HECTD2: variants seen among roughly 807,000 people sequenced by gnomAD.
HECTD2 encodes probable E3 ubiquitin-protein ligase HECTD2.
In HECTD2, 35 loss-of-function variants were observed where a neutral mutation model predicts 103.2. The ratio of observed to expected loss-of-function variants is 0.34; its 90% CI spans 0.26 to 0.45. HECTD2 has a LOEUF of 0.45. Among genes scored for constraint, HECTD2 ranks in the 20% least tolerant of loss-of-function variants. HECTD2 has a pLI of 1.00. For missense variants in HECTD2, 596 were observed against 937.4 expected (o/e 0.64, Z 4.76); for synonymous variants, 281 against 329.9 (o/e 0.85, Z 1.61).
At chr10:91,415,581 G>A (rs1360318913) in intron 1 of HECTD2, among the ~76,000 whole-genome samples, 1 of 152,096 alleles carries the variant, frequency 6.6e-6, no homozygotes. Flanking sequence ...CCTTGCTAAG[G>A]AGTAAAATGG....
intron 1 of HECTD2, among the ~76,000 whole-genome samples, chr10:91,414,454 G>A (rs1437644920): frequency 1.3e-5 from 2 of 152,188 alleles, no homozygotes; most frequent in Non-Finnish European, 2.9e-5. Flanking sequence ...CATCTGTTAT[G>A]TTTAGCTTTG....
intron 2 of HECTD2, among the ~76,000 whole-genome samples, chr10:91,438,292 C>G (rs1170504475): frequency 6.6e-6 from 1 of 152,108 alleles, no homozygotes; most frequent in African/African-American, 2.4e-5. Flanking sequence ...TCCATGTGTT[C>G]TCATTGTTCA....
chr10:91,435,541 A>G (rs1844078284), intron 2 of HECTD2, among the ~76,000 whole-genome samples: 1 of 151,950 alleles, frequency 6.6e-6, no homozygotes, highest in South Asian at 2.1e-4. Flanking sequence ...CAACATTGCT[A>G]AATTTCAGGC....
At chr10:91,458,381 A>G (rs1327170561) in intron 2 of HECTD2, among the ~76,000 whole-genome samples, 1 of 151,984 alleles carries the variant, frequency 6.6e-6, no homozygotes, top group Non-Finnish European at 1.5e-5. Context: ...AACTTTATGC[A>G]TTTCCTGTCA....
At chr10:91,486,512 G>A (rs1356763151) in intron 10 of HECTD2, 3 of 152,106 alleles carry the variant, frequency 2.0e-5, no homozygotes, top group Non-Finnish European at 1.5e-5. Context: ...TTAATCCTAG[G>A]ATCCTGTCAA....
chr10:91,452,797 T>G (rs1299524529), intron 2 of HECTD2, among the ~76,000 whole-genome samples: 1 of 152,108 alleles, frequency 6.6e-6, no homozygotes, highest in African/African-American at 2.4e-5. Flanking sequence ...TGCCACTAAA[T>G]TTTTCAAATG....
At chr10:91,450,460 C>T (rs1227470273) in intron 2 of HECTD2, among the ~76,000 whole-genome samples, 2 of 152,044 alleles carry the variant, frequency 1.3e-5, no homozygotes, top group Non-Finnish European at 2.9e-5. Context: ...AGGACATAGG[C>T]GTGGGCAAAG....
chr10:91,514,555 T>G lies in HECTD2; in HGVS notation c.*2171T>G, dbSNP rs1204790166. Reference sequence around the variant, plus strand: ...TATAATCTGTTAATGAATTATTGATTTTTGTATCTGCCACAGTAAATTAAA... The same window carrying G: ...TATAATCTGTTAATGAATTATTGATGTTTGTATCTGCCACAGTAAATTAAA... On this transcript the variant is annotated 3_prime_UTR_variant, in exon 21 of 21. Transcript: ENST00000298068. 1.3e-5 allele frequency: 2 copies of G among 152,636 alleles called. No individual in the cohort carries two copies. Among genetic ancestry groups the G allele is most frequent in the Admixed American group, 1.3e-4 (2 of 15,278 alleles). 9.5% of individuals were successfully genotyped at this position (152,636 alleles called of 1,614,324 possible).
chr10:91,418,798 T>A (rs1407691764), intron 1 of HECTD2, among the ~76,000 whole-genome samples: 7 of 152,302 alleles, frequency 4.6e-5, no homozygotes, highest in African/African-American at 1.7e-4. Flanking sequence ...TAGGTCAGTT[T>A]ATTAAAAATT....
At chr10:91,510,664 G>C (rs577664577) in intron 20 of HECTD2, among the ~76,000 whole-genome samples, 1 of 152,140 alleles carries the variant, frequency 6.6e-6, no homozygotes, top group Non-Finnish European at 1.5e-5. Flanking sequence ...AAAATAAGTT[G>C]TGTAGCTTAG....
intron 2 of HECTD2, among the ~76,000 whole-genome samples, chr10:91,444,133 C>G (rs1013043356): frequency 7.2e-5 from 11 of 152,076 alleles, no homozygotes; most frequent in African/African-American, 2.7e-4. Context: ...GGCTTACTTA[C>G]CCTTTCTTAT....
At position 91,432,346 on chromosome 10, in the gene HECTD2, G is replaced by A. The variant is rs920454276; in HGVS notation, c.268+6936G>A. Among the ~76,000 whole-genome samples the A allele has an allele frequency of 3.3e-5, 5 of 151,914 alleles. No individual in the cohort carries two copies. The East Asian group carries it at 7.8e-4, about 24-fold the overall frequency. On this transcript the variant is annotated intron_variant, in intron 2 of 20. Transcript: ENST00000298068. ...ATTAGGGAAACTGCAAAAACCCAGC[G>A]TGGGTTCACCTAACAGCTGAGGAAT...
intron 20 of HECTD2, among the ~76,000 whole-genome samples, chr10:91,510,185 G>C (rs1847368042): frequency 6.6e-6 from 1 of 152,142 alleles, no homozygotes; most frequent in Non-Finnish European, 1.5e-5. Flanking sequence ...ATTGTATTCA[G>C]AATGCTTTTT....
At chr10:91,421,653 C>T (rs1190388591) in intron 1 of HECTD2, among the ~76,000 whole-genome samples, 1 of 152,158 alleles carries the variant, frequency 6.6e-6, no homozygotes, top group Non-Finnish European at 1.5e-5. Context: ...TACAATAACC[C>T]TGTTATAAAA....
chr10:91,422,381 G>A (rs547268632), intron 1 of HECTD2, among the ~76,000 whole-genome samples: 4 of 152,226 alleles, frequency 2.6e-5, no homozygotes, highest in African/African-American at 9.6e-5. Flanking sequence ...AGTTAACAAA[G>A]GTCTGTTGCT....
intron 9 of HECTD2, 146 bp from the exon 10 acceptor site, chr10:91,485,034 T>A: frequency 1.8e-6 from 1 of 547,664 alleles, no homozygotes; most frequent in Non-Finnish European, 3.1e-6. Flanking sequence ...ATTTTTAAAT[T>A]ACCCCTTTCA....
At chr10:91,427,154 T>C (rs1843603010) in intron 2 of HECTD2, among the ~76,000 whole-genome samples, 1 of 151,450 alleles carries the variant, frequency 6.6e-6, no homozygotes, top group Admixed American at 6.6e-5. Context: ...TCCAATTTCA[T>C]CCATGTCCCT....
intron 2 of HECTD2, among the ~76,000 whole-genome samples, chr10:91,429,562 T>A (rs1843741627): frequency 6.6e-6 from 1 of 152,230 alleles, no homozygotes; most frequent in South Asian, 2.1e-4. Context: ...CAGATCCTGT[T>A]ATTGGCCTAT....
chr10:91,452,276 C>G (rs1338832699), intron 2 of HECTD2, among the ~76,000 whole-genome samples: 1 of 152,034 alleles, frequency 6.6e-6, no homozygotes, highest in Non-Finnish European at 1.5e-5. Flanking sequence ...CCTGCAGATT[C>G]AAGAAGCTAA....
Sources: allele counts gnomAD v4.1 joint callset (sites outside exome capture counted in the v4.1 genomes callset), GRCh38; gene constraint gnomAD v4.1.1; transcripts MANE v1.5; gene names NCBI Gene and HGNC (gene_info 2026-07-23, HGNC 2026-07-21).